The following UGT2B15 variants were observed in gnomAD, a reference collection of about 807,000 sequenced individuals.
UGT2B15 encodes the protein UDP-glucuronosyltransferase 2B15.
UGT2B15 carries 36 observed loss-of-function variants against 45.9 expected under a neutral mutation model. The ratio of observed to expected loss-of-function variants is 0.78; its 90% CI spans 0.60 to 1.04. The LOEUF is 1.04. UGT2B15 is among the 50% of genes least tolerant of loss of function. UGT2B15 has a pLI of 0.00. For synonymous variants in UGT2B15, 219 were observed against 216.4 expected, an observed-to-expected ratio of 1.01 and a Z score of -0.11; for missense variants, 617 against 622.4, an observed-to-expected ratio of 0.99 and a Z score of 0.09.
chr4:68,670,348 G>T lies in UGT2B15; in HGVS notation c.271C>A (p.Leu91Met). Residue 91 changes from leucine to methionine, a missense_variant, in exon 1 of 6, where the codon CTG becomes ATG. By Grantham distance (15) the Leu-to-Met change is conservative (BLOSUM62 2). Transcript: ENST00000338206. ...TATATCCATCTATCGAGAATTTTCAGAAGAGAATCTTCCAAATAATTTTTA... is the reference window on the plus strand; with the variant it reads ...TATATCCATCTATCGAGAATTTTCATAAGAGAATCTTCCAAATAATTTTTA... ...LTKNYLEDSL[L>M]KILDRWIYGV... is the part of the protein sequence containing the mutation. The T allele has an allele frequency of 6.2e-7, 1 of 1,613,314 alleles. No individual in the cohort carries two copies. The highest frequency in any genetic ancestry group is 8.5e-7 in the Non-Finnish European group (1 of 1,179,838).
chr4:68,653,964 G>T, intron 5 of UGT2B15, 73 bp downstream of exon 5: 1 of 1,566,862 alleles, frequency 6.4e-7, no homozygotes, highest in Non-Finnish European at 8.7e-7. Context: ...TCTTAAAAAC[G>T]GGTTAAAATT....
At chr4:68,668,952 T>G (rs1186831241) in intron 1 of UGT2B15, among the ~76,000 whole-genome samples, 4 of 151,062 alleles carry the variant, frequency 2.6e-5, no homozygotes, top group African/African-American at 9.7e-5. Flanking sequence ...ACTCTTTCAG[T>G]TCCACAATTA....
At chr4:68,659,287 G>C (rs947278661) in intron 3 of UGT2B15, among the ~76,000 whole-genome samples, 1 of 151,822 alleles carries the variant, frequency 6.6e-6, no homozygotes, top group Non-Finnish European at 1.5e-5. Context: ...GTGATATTAA[G>C]TGTTTTAAAC....
At chr4:68,666,326 G>C (rs1035162528) in intron 2 of UGT2B15, among the ~76,000 whole-genome samples, 2 of 152,056 alleles carry the variant, frequency 1.3e-5, no homozygotes, top group Non-Finnish European at 2.9e-5. Flanking sequence ...TGATGTGTTG[G>C]AAAATCAATC....
In UGT2B15 at chr4:68,646,970, T is replaced by G. The variant is rs1220296733; in HGVS notation, c.*134A>C. The stretch of plus-strand genomic sequence containing the variant: ...CGTATTAAATCCCTGGAAAATAAAT[T>G]TTGTCTTAACAAGGTAAGTTGTGAA... On this transcript the variant is annotated 3_prime_UTR_variant, in exon 6 of 6. Coordinates refer to ENST00000338206, the MANE Select transcript of UGT2B15 (RefSeq NM_001076.4). 2 of 1,346,294 alleles carry G rather than the reference T, an allele frequency of 1.5e-6. No individual in the cohort carries two copies. The highest frequency in any genetic ancestry group is 2.0e-6 in the Non-Finnish European group (2 of 987,144). 83.4% of individuals were successfully genotyped at this position (1,346,294 alleles called of 1,614,324 possible). A position where few individuals can be genotyped will look rare whatever the true frequency, so the allele number is the denominator to read the frequency against.
Position 68,647,203 on chromosome 4 carries a change from C to G in UGT2B15, c.1494G>C (p.Leu498=). The part of the protein sequence containing the change: ...QYHSLDVIAF[L]LACVATVIFI... ...ATATCACAGTTGCCACGCAGGCCAG[C>G]AGGAATGCTATCACATCCAAAGAGT... Residue 498 remains leucine (L), a synonymous_variant, in exon 6 of 6, where the codon CTG becomes CTC. Transcript: ENST00000338206. 4 of 1,613,928 alleles carry G rather than the reference C, an allele frequency of 2.5e-6. No individual in the cohort carries two copies. Among genetic ancestry groups the G allele is most frequent in the Non-Finnish European group, 3.4e-6 (4 of 1,179,922 alleles).
At position 68,654,956 on chromosome 4, in the gene UGT2B15, A is replaced by G. The variant is rs886235325; in HGVS notation, c.1093+139T>C. 4 of 1,088,770 alleles carry G rather than the reference A, an allele frequency of 3.7e-6. No individual in the cohort carries two copies. In the African/African-American group the frequency reaches 4.8e-5, roughly 13 times the overall value. 67.4% of individuals were successfully genotyped at this position (1,088,770 alleles called of 1,614,324 possible). A position where few individuals can be genotyped will look rare whatever the true frequency, so the allele number is the denominator to read the frequency against. ...ATTCTTTTTATACTAAGACTGGAAAATAAATATAAAGTAGTTAAATTTGAT... is the reference window on the plus strand; with the variant it reads ...ATTCTTTTTATACTAAGACTGGAAAGTAAATATAAAGTAGTTAAATTTGAT... On this transcript the variant is annotated intron_variant, in intron 4 of 5. Coordinates refer to ENST00000338206, the MANE Select transcript of UGT2B15 (RefSeq NM_001076.4).
rs1733282707 is a variant in UGT2B15 at position 68,670,551 on chromosome 4, C to A, written c.68G>T (p.Cys23Phe). 1.2e-6 allele frequency: 2 copies of A among 1,606,988 alleles called. No homozygotes were observed. Among genetic ancestry groups the A allele is most frequent in the African/African-American group, 2.7e-5 (2 of 74,386 alleles). Reference sequence around the variant, plus strand: ...TGTGGGCCACACTAGCACCTTTCCACAGCTTCCAGAGCTAAAGTAACAACT... The same window carrying A: ...TGTGGGCCACACTAGCACCTTTCCAAAGCTTCCAGAGCTAAAGTAACAACT... ...QLSCYFSSGS[C>F]GKVLVWPTEY... Residue 23 changes from cysteine to phenylalanine, a missense_variant, in exon 1 of 6, where the codon TGT becomes TTT. Coordinates refer to ENST00000338206, the MANE Select transcript of UGT2B15 (RefSeq NM_001076.4).
At chr4:68,649,679 T>TAC (rs201207489) in intron 5 of UGT2B15, among the ~76,000 whole-genome samples, 33 of 152,076 alleles carry the variant, frequency 2.2e-4, no homozygotes, top group Admixed American at 1.8e-3. Flanking sequence ...GCAATATATA[T>TAC]ACACACACAC....
chr4:68,662,427 G>A (rs1171862250), intron 3 of UGT2B15, among the ~76,000 whole-genome samples: 1 of 150,268 alleles, frequency 6.7e-6, no homozygotes, highest in East Asian at 2.0e-4. Context: ...TGGCTAGGTG[G>A]GTACCTCCAG....
rs374071774 is a variant in UGT2B15, at chr4:68,664,532, G to T, written c.874-1393C>A. On this transcript the variant is annotated intron_variant, in intron 2 of 5. Transcript: ENST00000338206. The stretch of plus-strand genomic sequence containing the variant: ...ATATGTCAATTCAGACCATATATTG[G>T]TAAGTATTTTTAAAAAATATAATTT... Among the ~76,000 whole-genome samples the T allele has an allele frequency of 7.3e-5, 11 of 151,606 alleles. No individual in the cohort carries two copies. The East Asian group carries it at 7.7e-4, about 11-fold the overall frequency.
chr4:68,656,757 G>C (rs1291852931), intron 3 of UGT2B15, among the ~76,000 whole-genome samples: 1 of 151,884 alleles, frequency 6.6e-6, no homozygotes. Flanking sequence ...CCCCTTTAGG[G>C]GTGTCTGTTT....
chr4:68,653,618 C>T (rs1175944418), intron 5 of UGT2B15, among the ~76,000 whole-genome samples: 1 of 151,600 alleles, frequency 6.6e-6, no homozygotes, highest in Middle Eastern at 3.2e-3. Context: ...TTATGCTATG[C>T]AAATTATAAT....
intron 5 of UGT2B15, among the ~76,000 whole-genome samples, chr4:68,652,922 A>C (rs1223973508): frequency 6.6e-6 from 1 of 152,048 alleles, no homozygotes; most frequent in South Asian, 2.1e-4. Context: ...GAGGGTTAAC[A>C]TCTTCAGCCA....
Position 68,647,366 on chromosome 4 carries a change from A to G in UGT2B15, c.1331T>C (p.Met444Thr). ...GTCATGATGAATTCTTGATAATTTC[A>G]TGACATTCTCTTTATAGCTGAAGGA... ...INDPVYKENV[M>T]KLSRIHHDQP... The change falls in exon 6 of 6, where the codon ATG (methionine) becomes ACG (threonine). Residue 444 changes from methionine (M) to threonine (T), a missense_variant. Met to Thr is a moderately conservative substitution (Grantham distance 81, BLOSUM62 -1). This residue lies in a region of UGT2B15 where 265 missense variants were observed against 245.1 expected (regional missense o/e 1.08). Coordinates refer to ENST00000338206, the MANE Select transcript of UGT2B15 (RefSeq NM_001076.4). 6.2e-7 allele frequency: 1 copy of G among 1,613,344 alleles called. No individual in the cohort carries two copies. Among genetic ancestry groups the G allele is most frequent in the Middle Eastern group, 1.7e-4 (1 of 6,052 alleles).
At chr4:68,652,448 T>C (rs1732684661) in intron 5 of UGT2B15, among the ~76,000 whole-genome samples, 1 of 151,578 alleles carries the variant, frequency 6.6e-6, no homozygotes, top group South Asian at 2.1e-4. Context: ...CTGTTTTATG[T>C]TTCTTTACTT....
intron 3 of UGT2B15, among the ~76,000 whole-genome samples, chr4:68,656,795 C>T (rs1732819029): frequency 6.6e-6 from 1 of 151,802 alleles, no homozygotes; most frequent in Non-Finnish European, 1.5e-5. Context: ...GAGTTGTGGG[C>T]AGATTTTTTT....
chr4:68,663,740 C>T (rs907335357), intron 2 of UGT2B15, among the ~76,000 whole-genome samples: 6 of 151,546 alleles, frequency 4.0e-5, no homozygotes, highest in African/African-American at 1.5e-4. Context: ...CTAGTCTTAC[C>T]CCACTACCCC....
intron 5 of UGT2B15, among the ~76,000 whole-genome samples, chr4:68,649,506 C>T (rs1341789773): frequency 6.6e-6 from 1 of 151,734 alleles, no homozygotes; most frequent in Non-Finnish European, 1.5e-5. Flanking sequence ...TCTCTTAACT[C>T]CTGACCTCAT....
Sources: gnomAD v4.1 joint callset for allele counts (sites outside exome capture counted in the v4.1 genomes callset) on GRCh38, gnomAD v4.1.1 for gene constraint, gnomAD v4.1.1 regional missense constraint, MANE v1.5 for transcripts, NCBI Gene and HGNC (gene_info 2026-07-23, HGNC 2026-07-21) for gene names.